Variants in F13A1 observed in about 807,000 individuals in gnomAD.
F13A1 encodes the protein FSF, A subunit.
In F13A1, 47 loss-of-function variants were observed where a neutral mutation model predicts 80.1. The ratio of observed to expected loss-of-function variants is 0.59; its 90% CI spans 0.46 to 0.75. The LOEUF is 0.75. F13A1 is among the 30% of genes least tolerant of loss of function. F13A1 has a pLI of 0.00. For missense variants in F13A1, 817 were observed against 930.4 expected (o/e 0.88, Z 1.59); for synonymous variants, 349 against 344.9 (o/e 1.01, Z -0.13).
intron 12 of F13A1, among the ~76,000 whole-genome samples, chr6:6,170,239 T>C (rs1760749135): frequency 6.6e-6 from 1 of 152,228 alleles, no homozygotes; most frequent in Admixed American, 6.5e-5. Flanking sequence ...TAGAGGACTA[T>C]GTTTGACCAC....
chr6:6,308,222 C>T (rs904324918), intron 2 of F13A1, among the ~76,000 whole-genome samples: 18 of 152,114 alleles, frequency 1.2e-4, no homozygotes, highest in African/African-American at 3.6e-4. Context: ...CGGGGTTTCA[C>T]CATGTTGGCC....
chr6:6,272,610 C>T (rs754427938), intron 3 of F13A1, among the ~76,000 whole-genome samples: 5 of 152,132 alleles, frequency 3.3e-5, no homozygotes, highest in South Asian at 2.1e-4. Context: ...GGGAAACGAA[C>T]GTAGGAGAGC....
intron 6 of F13A1, among the ~76,000 whole-genome samples, chr6:6,242,535 C>A (rs1452007918): frequency 6.6e-6 from 1 of 152,022 alleles, no homozygotes; most frequent in Non-Finnish European, 1.5e-5. Flanking sequence ...GTTTTTTTCT[C>A]TCCTCCTACT....
chr6:6,160,371 C>G (rs1010747167), intron 13 of F13A1, among the ~76,000 whole-genome samples: 18 of 151,646 alleles, frequency 1.2e-4, no homozygotes, highest in African/African-American at 4.4e-4. Context: ...GAGTCTTGCT[C>G]TGTCACCCAG....
At chr6:6,146,364 C>T (rs1232767951) in intron 14 of F13A1, among the ~76,000 whole-genome samples, 2 of 152,178 alleles carry the variant, frequency 1.3e-5, no homozygotes, top group East Asian at 3.9e-4. Flanking sequence ...AAATTGGGCC[C>T]CTCCACCTAT....
intron 13 of F13A1, among the ~76,000 whole-genome samples, chr6:6,161,189 A>T (rs1760566667): frequency 1.3e-5 from 2 of 152,076 alleles, no homozygotes; most frequent in South Asian, 4.1e-4. Context: ...GCCCCATTCC[A>T]CAGGGAATGC....
At chr6:6,287,837 GC>G (rs1037396821) in intron 3 of F13A1, among the ~76,000 whole-genome samples, 3 of 152,174 alleles carry the variant, frequency 2.0e-5, no homozygotes, top group African/African-American at 7.2e-5. Flanking sequence ...GATTGTCAGA[GC>G]CCCTATGTGA....
intron 3 of F13A1, among the ~76,000 whole-genome samples, chr6:6,303,830 C>T (rs1758471561): frequency 6.6e-6 from 1 of 152,048 alleles, no homozygotes; most frequent in Non-Finnish European, 1.5e-5. Flanking sequence ...TAGTTTTGGT[C>T]ATGTGAAATT....
At chr6:6,275,894 C>G (rs1309002349) in intron 3 of F13A1, among the ~76,000 whole-genome samples, 1 of 152,196 alleles carries the variant, frequency 6.6e-6, no homozygotes, top group African/African-American at 2.4e-5. Flanking sequence ...TAAGAGAAGA[C>G]AGGATATTTT....
intron 4 of F13A1, among the ~76,000 whole-genome samples, chr6:6,262,467 C>T (rs1199752047): frequency 6.6e-6 from 1 of 152,224 alleles, no homozygotes; most frequent in Non-Finnish European, 1.5e-5. Flanking sequence ...CAGAGGCAGC[C>T]ATGAAGTCAG....
intron 2 of F13A1, among the ~76,000 whole-genome samples, chr6:6,311,076 A>G (rs1758584274): frequency 6.6e-6 from 1 of 150,892 alleles, no homozygotes; most frequent in Admixed American, 6.6e-5. Context: ...GTCTCTTTGT[A>G]TTATCTTTAT....
chr6:6,238,519 T>C (rs967360717), intron 6 of F13A1, among the ~76,000 whole-genome samples: 1 of 152,046 alleles, frequency 6.6e-6, no homozygotes, highest in African/African-American at 2.4e-5. Flanking sequence ...AATGAAAAAA[T>C]TTGATTTTAT....
chr6:6,197,345 A>G lies in F13A1; in HGVS notation c.1113-19T>C. On this transcript the variant is annotated intron_variant, in intron 8 of 14. Coordinates refer to ENST00000264870, the MANE Select transcript of F13A1 (RefSeq NM_000129.4). The stretch of plus-strand genomic sequence containing the variant: ...GTAGTTCCTTAGAAAACACAAGCCC[A>G]GAAAGGTTAAACTTCCCATCACACC... 6.2e-7 allele frequency: 1 copy of G among 1,610,668 alleles called. No homozygotes were observed. Among genetic ancestry groups the G allele is most frequent in the Non-Finnish European group, 8.5e-7 (1 of 1,176,996 alleles).
rs144702929 is a variant in F13A1 at position 6,293,627 on chromosome 6, G to A, written c.319+11724C>T. Reference sequence around the variant, plus strand: ...GCTCATCAAGCCGTGGCCAGGTAAGGCAGTAGCTCTCCTGCTCACCTTCTC... The same window carrying A: ...GCTCATCAAGCCGTGGCCAGGTAAGACAGTAGCTCTCCTGCTCACCTTCTC... On this transcript the variant is annotated intron_variant, in intron 3 of 14. Transcript: ENST00000264870. Among the ~76,000 whole-genome samples the A allele has an allele frequency of 6.1e-3, 931 of 151,976 alleles. 8 individuals carry two copies. Among genetic ancestry groups the A allele is most frequent in the African/African-American group, 0.021 (882 of 41,414 alleles).
intron 13 of F13A1, among the ~76,000 whole-genome samples, chr6:6,158,223 T>A (rs1424983713): frequency 7.2e-5 from 11 of 152,076 alleles, no homozygotes. Context: ...GTCACGGACA[T>A]AACTGAGGTG....
At chr6:6,311,930 T>C (rs1178767241) in intron 2 of F13A1, among the ~76,000 whole-genome samples, 1 of 147,248 alleles carries the variant, frequency 6.8e-6, no homozygotes, top group African/African-American at 2.5e-5. Context: ...ATATATAATA[T>C]ATAGTTTTTA....
chr6:6,249,824 CA>C (rs1207541292), intron 5 of F13A1, among the ~76,000 whole-genome samples: 2 of 152,120 alleles, frequency 1.3e-5, no homozygotes, highest in Non-Finnish European at 2.9e-5. Context: ...AATCCAAGAA[CA>C]GGGGGTGCCA....
intron 2 of F13A1, 138 bp from the exon 3 acceptor site, chr6:6,305,677 T>G (rs1758503103): frequency 1.3e-6 from 1 of 781,314 alleles, no homozygotes; most frequent in Non-Finnish European, 2.1e-6. Flanking sequence ...GAGGCAGGGG[T>G]AGGGGAACAC....
chr6:6,226,017 T>C (rs1757271806), intron 6 of F13A1, among the ~76,000 whole-genome samples: 1 of 152,244 alleles, frequency 6.6e-6, no homozygotes, highest in Admixed American at 6.5e-5. Context: ...ATTCATCTTG[T>C]AGCAGCAGAC....
Sources: allele counts gnomAD v4.1 joint callset (sites outside exome capture counted in the v4.1 genomes callset), GRCh38; gene constraint gnomAD v4.1.1; transcripts MANE v1.5; gene names NCBI Gene and HGNC (gene_info 2026-07-23, HGNC 2026-07-21).